The following RAPGEF5 variants were observed in gnomAD, a reference collection of about 807,000 sequenced individuals.
The protein encoded by RAPGEF5 is Rap guanine nucleotide exchange factor 5, also known as M-Ras-regulated GEF.
RAPGEF5 carries 65 observed loss-of-function variants against 125.2 expected under a neutral mutation model. The ratio of observed to expected loss-of-function variants is 0.52; its 90% CI spans 0.43 to 0.64. The LOEUF is 0.64. Among genes scored for constraint, RAPGEF5 ranks in the 30% least tolerant of loss-of-function variants. The pLI is 0.00. For synonymous variants in RAPGEF5, 391 were observed against 385.9 expected (o/e 1.01, Z -0.16); for missense variants, 958 against 1,048.1 (o/e 0.91, Z 1.19).
At chr7:22,189,433 C>T (rs1315774894) in intron 11 of RAPGEF5, among the ~76,000 whole-genome samples, 2 of 152,170 alleles carry the variant, frequency 1.3e-5, no homozygotes, top group Non-Finnish European at 2.9e-5. Flanking sequence ...GCTACAGTCA[C>T]CAGCAGGACC....
intron 11 of RAPGEF5, among the ~76,000 whole-genome samples, chr7:22,186,173 T>A (rs1253922764): frequency 6.6e-6 from 1 of 152,212 alleles, no homozygotes; most frequent in Non-Finnish European, 1.5e-5. Context: ...TTGCCTTGGA[T>A]AAAGCGATTT....
intron 6 of RAPGEF5, among the ~76,000 whole-genome samples, chr7:22,274,465 G>A (rs1782510826): frequency 6.6e-6 from 1 of 152,116 alleles, no homozygotes; most frequent in Non-Finnish European, 1.5e-5. Flanking sequence ...GAGTACCTGA[G>A]AGGACAGGCA....
Position 22,193,281 on chromosome 7 carries a change from C to A in RAPGEF5, c.1204+86G>T. ...CTATTTCTCCCCACCCCGGTTTCAGCTAACAGTGGGAACCTTGCCCCTGAG... is the reference window on the plus strand; with the variant it reads ...CTATTTCTCCCCACCCCGGTTTCAGATAACAGTGGGAACCTTGCCCCTGAG... On this transcript the variant is annotated intron_variant, in intron 11 of 25. Transcript: ENST00000665637. The A allele has an allele frequency of 3.5e-6, 5 of 1,422,906 alleles. No individual in the cohort carries two copies. The South Asian group carries it at 5.5e-5, about 16-fold the overall frequency. 88.1% of individuals were successfully genotyped at this position (1,422,906 alleles called of 1,614,324 possible). A position where few individuals can be genotyped will look rare whatever the true frequency, so the allele number is the denominator to read the frequency against.
rs189807822 is a variant in RAPGEF5 at position 22,154,488 on chromosome 7, C to T, written c.1753G>A (p.Asp585Asn). 3 of 1,613,828 alleles carry T rather than the reference C, an allele frequency of 1.9e-6. No homozygotes were observed. Among genetic ancestry groups the T allele is most frequent in the Non-Finnish European group, 2.5e-6 (3 of 1,179,806 alleles). The change falls in exon 17 of 26, where the codon GAT (aspartate) becomes AAT (asparagine). Residue 585 changes from aspartate (D) to asparagine (N), a missense_variant. Coordinates refer to ENST00000665637, the MANE Select transcript of RAPGEF5 (RefSeq NM_012294.5). ...AATGTGATGGCCACCAGAGCCAGAT[C>T]CTCTTCTGCATACTGGATCTTTTCT... Reference protein sequence around the residue: ...VAEKIQYAEEDLALVAITFSG... With the variant: ...VAEKIQYAEENLALVAITFSG...
At chr7:22,352,318 T>C (rs1784345358) in intron 1 of RAPGEF5, among the ~76,000 whole-genome samples, 1 of 151,298 alleles carries the variant, frequency 6.6e-6, no homozygotes, top group South Asian at 2.1e-4. Context: ...CTTAAAAAGA[T>C]ACAAAAAAGT....
chr7:22,340,844 T>C (rs1784113182), intron 1 of RAPGEF5, among the ~76,000 whole-genome samples: 1 of 152,218 alleles, frequency 6.6e-6, no homozygotes, highest in Admixed American at 6.5e-5. Context: ...CCTCTGGGCT[T>C]CCATTTGCTT....
At position 22,121,893 on chromosome 7, in the gene RAPGEF5, A is replaced by G. The variant is rs1014406250; in HGVS notation, c.*513T>C. On this transcript the variant is annotated 3_prime_UTR_variant, in exon 26 of 26. Coordinates refer to ENST00000665637, the MANE Select transcript of RAPGEF5 (RefSeq NM_012294.5). The stretch of plus-strand genomic sequence containing the variant: ...GACACAAGTGGCTTTTGGTGATGTC[A>G]CAGGTTGTATCAACAGAAACCTCTC... 5.0e-4 allele frequency: 78 copies of G among 156,794 alleles called. No individual in the cohort carries two copies. The highest frequency in any genetic ancestry group is 4.8e-3 in the Admixed American group (78 of 16,252). The allele number at this position is 156,794 out of a possible 1,614,324, so 9.7% of individuals were successfully genotyped here. A position where few individuals can be genotyped will look rare whatever the true frequency, so the allele number is the denominator to read the frequency against.
At position 22,272,342 on chromosome 7, in the gene RAPGEF5, CAAAAAAA is replaced by C. The variant is rs1282857477; in HGVS notation, c.748-5337_748-5331del. Among the ~76,000 whole-genome samples, 27 of 35,984 alleles carry C rather than the reference CAAAAAAA, an allele frequency of 7.5e-4. No individual in the cohort carries two copies. The South Asian group carries it at 0.011, about 15-fold the overall frequency. The allele number at this position is 35,984 out of a possible 152,430, so 23.6% of individuals were successfully genotyped here. Reference sequence around the variant, plus strand: ...TGGGCAACAGAGCAAGACTCCGTCTCAAAAAAAAAAAAAAAAAAAAAGAAGGAAAAAA... The same window carrying C: ...TGGGCAACAGAGCAAGACTCCGTCTCAAAAAAAAAAAAAAGAAGGAAAAAA... On this transcript the variant is annotated intron_variant, in intron 6 of 25. Coordinates refer to ENST00000665637, the MANE Select transcript of RAPGEF5 (RefSeq NM_012294.5).
chr7:22,131,322 C>A (rs1428175275), intron 23 of RAPGEF5, among the ~76,000 whole-genome samples: 1 of 152,070 alleles, frequency 6.6e-6, no homozygotes, highest in East Asian at 1.9e-4. Flanking sequence ...AACAGTGTGA[C>A]CTTACTGAAA....
At chr7:22,246,930 C>G (rs1162156311) in intron 7 of RAPGEF5, among the ~76,000 whole-genome samples, 1 of 152,182 alleles carries the variant, frequency 6.6e-6, no homozygotes, top group East Asian at 1.9e-4. Flanking sequence ...CGTGAACAGA[C>G]ACTTTTCAAA....
chr7:22,341,232 G>A (rs1008092187), intron 1 of RAPGEF5, among the ~76,000 whole-genome samples: 1 of 152,228 alleles, frequency 6.6e-6, no homozygotes, highest in Non-Finnish European at 1.5e-5. Flanking sequence ...AAAAGAGCTT[G>A]TGCAGGGAAA....
chr7:22,323,708 A>G (rs1195815400), intron 1 of RAPGEF5, among the ~76,000 whole-genome samples: 2 of 152,184 alleles, frequency 1.3e-5, no homozygotes, highest in African/African-American at 4.8e-5. Context: ...ACAGCAACCA[A>G]CGTGAAGAAG....
At chr7:22,229,685 G>A (rs549415578) in intron 8 of RAPGEF5, among the ~76,000 whole-genome samples, 4 of 152,116 alleles carry the variant, frequency 2.6e-5, no homozygotes, top group East Asian at 1.9e-4. Context: ...TTATATAGAC[G>A]GGCCTGCAGA....
At chr7:22,130,359 A>C (rs1446792690) in intron 24 of RAPGEF5, among the ~76,000 whole-genome samples, 1 of 152,166 alleles carries the variant, frequency 6.6e-6, no homozygotes, top group Admixed American at 6.5e-5. Context: ...ATTACAAAGC[A>C]CCTGGGAATG....
intron 1 of RAPGEF5, among the ~76,000 whole-genome samples, chr7:22,336,267 T>A (rs369758970): frequency 6.6e-6 from 1 of 152,350 alleles, no homozygotes; most frequent in South Asian, 2.1e-4. Context: ...TGTCCACATA[T>A]AGTCTCACCT....
intron 23 of RAPGEF5, among the ~76,000 whole-genome samples, chr7:22,133,390 G>GA (rs1163883477): frequency 2.0e-5 from 3 of 152,100 alleles, no homozygotes; most frequent in African/African-American, 7.2e-5. Flanking sequence ...AGGTTGGGCT[G>GA]AAAAAAACGA....
intron 8 of RAPGEF5, among the ~76,000 whole-genome samples, chr7:22,226,714 G>A (rs906310648): frequency 6.6e-6 from 1 of 152,140 alleles, no homozygotes; most frequent in Non-Finnish European, 1.5e-5. Flanking sequence ...GCATCAGGGA[G>A]CTTTAGAAAT....
At chr7:22,238,431 TG>T (rs1178917818) in intron 7 of RAPGEF5, among the ~76,000 whole-genome samples, 1 of 152,188 alleles carries the variant, frequency 6.6e-6, no homozygotes, top group South Asian at 2.1e-4. Context: ...AGCACATACA[TG>T]GATAAAATCA....
At chr7:22,135,001 G>A (rs1170416932) in intron 23 of RAPGEF5, among the ~76,000 whole-genome samples, 3 of 152,204 alleles carry the variant, frequency 2.0e-5, no homozygotes, top group Non-Finnish European at 2.9e-5. Flanking sequence ...GTAGCTGCAC[G>A]ATGTACGGCA....
Sources: allele counts gnomAD v4.1 joint callset (sites outside exome capture counted in the v4.1 genomes callset), GRCh38; gene constraint gnomAD v4.1.1; transcripts MANE v1.5; gene names NCBI Gene and HGNC (gene_info 2026-07-23, HGNC 2026-07-21).